Variants in NEBL observed in about 807,000 individuals in gnomAD.
NEBL encodes nebulette, also known as LIM and SH3 protein 2.
Under a neutral mutation model 140.2 loss-of-function variants are expected in NEBL, and 122 were observed. That is an observed-to-expected ratio of 0.87 (90% confidence interval 0.75 to 1.01). NEBL has a LOEUF of 1.01. NEBL is among the 50% of genes least tolerant of loss of function. The probability of loss-of-function intolerance (pLI) is 0.00; values close to 1 mark genes in which losing one functional copy is unlikely to be tolerated. For synonymous variants in NEBL, 436 were observed against 398.9 expected (o/e 1.09, Z -1.11); for missense variants, 1,365 against 1,231.3 (o/e 1.11, Z -1.62).
At chr10:21,272,842 C>A (rs917990162) in intron 1 of NEBL, among the ~76,000 whole-genome samples, 1 of 152,082 alleles carries the variant, frequency 6.6e-6, no homozygotes. Flanking sequence ...GTTGAGCGTG[C>A]ATTTTTTGCT....
At chr10:21,272,638 C>T (rs546442727) in intron 1 of NEBL, among the ~76,000 whole-genome samples, 1 of 152,194 alleles carries the variant, frequency 6.6e-6, no homozygotes, top group African/African-American at 2.4e-5. Flanking sequence ...GCTCCAGATC[C>T]TCCGTTTGAT....
chr10:21,031,465 G>A (rs1005703925), intron 2 of NEBL, among the ~76,000 whole-genome samples: 5 of 152,342 alleles, frequency 3.3e-5, no homozygotes, highest in African/African-American at 7.2e-5. Context: ...TTCCTGCCGC[G>A]ATGGGAGGCC....
intron 2 of NEBL, among the ~76,000 whole-genome samples, chr10:21,051,560 A>G (rs1027542330): frequency 6.6e-6 from 1 of 152,260 alleles, no homozygotes; most frequent in Non-Finnish European, 1.5e-5. Flanking sequence ...CAAGTAATCA[A>G]CTAAACACAA....
intron 2 of NEBL, among the ~76,000 whole-genome samples, chr10:21,126,705 G>A (rs1256597205): frequency 1.3e-5 from 2 of 152,082 alleles, no homozygotes; most frequent in Non-Finnish European, 2.9e-5. Flanking sequence ...CAGGTGCGGT[G>A]GCTCATGCCT....
At chr10:21,268,547 G>A (rs1483580794) in intron 1 of NEBL, among the ~76,000 whole-genome samples, 1 of 149,024 alleles carries the variant, frequency 6.7e-6, no homozygotes, top group South Asian at 2.1e-4. Flanking sequence ...TTTGGGAGAT[G>A]GTATCTTGCT....
At chr10:20,979,499 A>G (rs1354125474) in intron 3 of NEBL, among the ~76,000 whole-genome samples, 1 of 152,194 alleles carries the variant, frequency 6.6e-6, no homozygotes, top group East Asian at 1.9e-4. Context: ...TTTTACTCGT[A>G]TAATTCTCAG....
chr10:20,975,124 A>G (rs1372021455), intron 3 of NEBL, among the ~76,000 whole-genome samples: 2 of 152,224 alleles, frequency 1.3e-5, no homozygotes, highest in Non-Finnish European at 2.9e-5. Context: ...AAAATGACAT[A>G]GGACCATTCT....
chr10:21,215,078 T>C (rs1225337812), intron 3 of NEBL, among the ~76,000 whole-genome samples: 1 of 152,176 alleles, frequency 6.6e-6, no homozygotes. Flanking sequence ...CCACAAAACT[T>C]GAAGATTAGA....
chr10:20,863,665 C>T (rs1238244424), intron 7 of NEBL, among the ~76,000 whole-genome samples: 1 of 152,188 alleles, frequency 6.6e-6, no homozygotes, highest in African/African-American at 2.4e-5. Context: ...TTTAACCAGG[C>T]TCCATACACC....
intron 1 of NEBL, among the ~76,000 whole-genome samples, chr10:21,284,083 G>A (rs939672261): frequency 4.8e-5 from 7 of 144,562 alleles, no homozygotes; most frequent in Non-Finnish European, 9.0e-5. Flanking sequence ...GGTGGCTCAC[G>A]CCTGTAGTCC....
chr10:20,836,292 G>A (rs769136137), intron 13 of NEBL, among the ~76,000 whole-genome samples: 2 of 151,886 alleles, frequency 1.3e-5, no homozygotes, highest in South Asian at 2.1e-4. Flanking sequence ...GCGTGATCTC[G>A]GCTCACTGCA....
intron 26 of NEBL, among the ~76,000 whole-genome samples, chr10:20,789,562 A>G (rs1835739377): frequency 6.6e-6 from 1 of 152,204 alleles, no homozygotes. Context: ...TCAAAAAATA[A>G]GTATGCTGGG....
intron 2 of NEBL, chr10:21,029,631 C>T (rs1259567313): frequency 1.4e-6 from 2 of 1,440,204 alleles, no homozygotes; most frequent in African/African-American, 1.4e-5. Flanking sequence ...TTGATGACTA[C>T]CCGCCTAGAA....
chr10:21,146,339 T>C (rs749192719), intron 2 of NEBL: 5 of 1,609,578 alleles, frequency 3.1e-6, no homozygotes, highest in Admixed American at 1.7e-5. Flanking sequence ...ACACATACTC[T>C]ACCTGTTCAT....
At chr10:21,259,024 T>C (rs957620625) in intron 1 of NEBL, among the ~76,000 whole-genome samples, 2 of 151,784 alleles carry the variant, frequency 1.3e-5, no homozygotes, top group Admixed American at 6.6e-5. Flanking sequence ...AGATGATAAG[T>C]AGTTTGCCCA....
intron 2 of NEBL, among the ~76,000 whole-genome samples, chr10:21,022,517 A>T (rs1230221378): frequency 2.0e-5 from 3 of 152,220 alleles, no homozygotes; most frequent in Non-Finnish European, 4.4e-5. Flanking sequence ...CAGGAATTTA[A>T]TGTCCCATAT....
chr10:21,165,726 T>A (rs528886950), intron 2 of NEBL, among the ~76,000 whole-genome samples: 1 of 152,188 alleles, frequency 6.6e-6, no homozygotes, highest in Admixed American at 6.5e-5. Flanking sequence ...CACAGGGTGG[T>A]GTGGGCTCTT....
In NEBL at chr10:20,852,528, T is replaced by C; in HGVS notation, c.1008+17A>G. 1 of 1,583,388 alleles carries C rather than the reference T, an allele frequency of 6.3e-7. No homozygotes were observed. Among genetic ancestry groups the C allele is most frequent in the Non-Finnish European group, 8.7e-7 (1 of 1,154,004 alleles). On this transcript the variant is annotated intron_variant, in intron 10 of 27. Transcript: ENST00000377122. Reference sequence around the variant, plus strand: ...TTGCTGGCAGGGAGGGTAGGTACCGTACGGGCAAGTGTGTACCTGACTTTG... The same window carrying C: ...TTGCTGGCAGGGAGGGTAGGTACCGCACGGGCAAGTGTGTACCTGACTTTG...
At chr10:21,206,691 G>C (rs1841830711) in intron 3 of NEBL, among the ~76,000 whole-genome samples, 1 of 152,186 alleles carries the variant, frequency 6.6e-6, no homozygotes, top group Admixed American at 6.5e-5. Context: ...TTTGAGGCTA[G>C]GGTTTTCGAG....
Sources: allele counts gnomAD v4.1 joint callset (sites outside exome capture counted in the v4.1 genomes callset), GRCh38; gene constraint gnomAD v4.1.1; transcripts MANE v1.5; gene names NCBI Gene and HGNC (gene_info 2026-07-23, HGNC 2026-07-21).